TMEM74: variants seen among roughly 807,000 people sequenced by gnomAD.
The protein encoded by TMEM74 is transmembrane protein 74.
TMEM74 carries 13 observed loss-of-function variants against 18.1 expected under a neutral mutation model. The ratio of observed to expected loss-of-function variants is 0.72; its 90% CI spans 0.47 to 1.14. The LOEUF is 1.14. TMEM74 is among the 50% of genes most tolerant of loss of function. TMEM74 has a pLI of 0.00. For synonymous variants in TMEM74, 159 were observed against 146.6 expected (o/e 1.08, Z -0.61); for missense variants, 372 against 375.9 (o/e 0.99, Z 0.09).
intron 2 of TMEM74, among the ~76,000 whole-genome samples, chr8:108,624,609 T>G (rs1243941058): frequency 2.6e-5 from 4 of 152,086 alleles, no homozygotes; most frequent in African/African-American, 9.7e-5. Context: ...TCAGCTAAAT[T>G]TTAAACATTT....
At chr8:108,753,417 C>A (rs1309513238) in intron 1 of TMEM74, among the ~76,000 whole-genome samples, 3 of 151,916 alleles carry the variant, frequency 2.0e-5, no homozygotes, top group Non-Finnish European at 4.4e-5. Context: ...TGAGCATTTG[C>A]CATAAAAATA....
Position 108,784,060 on chromosome 8 carries a change from G to A in TMEM74, c.*121C>T. ...TAGAGAACAAAAACACTTACTGGCTGTTGGTTTGTGAAATAAACTTTTCTT... is the reference window on the plus strand; with the variant it reads ...TAGAGAACAAAAACACTTACTGGCTATTGGTTTGTGAAATAAACTTTTCTT... On this transcript the variant is annotated 3_prime_UTR_variant, in exon 2 of 2. Transcript: ENST00000297459. 1.2e-6 allele frequency: 1 copy of A among 843,794 alleles called. No homozygotes were observed. The highest frequency in any genetic ancestry group is 2.0e-5 in the South Asian group (1 of 50,076). The allele number at this position is 843,794 out of a possible 1,614,324, so 52.3% of individuals were successfully genotyped here. A position where few individuals can be genotyped will look rare whatever the true frequency, so the allele number is the denominator to read the frequency against.
At chr8:108,736,479 A>AGTCTACATGCC (rs1813750854) in intron 1 of TMEM74, among the ~76,000 whole-genome samples, 1 of 152,110 alleles carries the variant, frequency 6.6e-6, no homozygotes, top group Non-Finnish European at 1.5e-5. Context: ...CCACTCTTAG[A>AGTCTACATGCC]ACAGTATTTC....
At chr8:108,675,216 A>G (rs998401952) in intron 1 of TMEM74, among the ~76,000 whole-genome samples, 1 of 152,172 alleles carries the variant, frequency 6.6e-6, no homozygotes, top group African/African-American at 2.4e-5. Flanking sequence ...TTATGGTGTC[A>G]TCTCCCCACT....
chr8:108,770,083 T>A (rs527433628), intron 1 of TMEM74, among the ~76,000 whole-genome samples: 1 of 152,290 alleles, frequency 6.6e-6, no homozygotes, highest in East Asian at 1.9e-4. Context: ...CCTTGTTTCA[T>A]TGGACTTTCT....
intron 1 of TMEM74, among the ~76,000 whole-genome samples, chr8:108,658,838 C>A (rs2130579055): frequency 6.6e-6 from 1 of 152,076 alleles, no homozygotes; most frequent in East Asian, 1.9e-4. Flanking sequence ...TAACAGTCTT[C>A]AAGAGAATAA....
At chr8:108,710,912 CA>C (rs1486860102) in intron 1 of TMEM74, among the ~76,000 whole-genome samples, 2 of 152,160 alleles carry the variant, frequency 1.3e-5, no homozygotes, top group African/African-American at 2.4e-5. Context: ...TGAGCCTTCC[CA>C]TGTTATGGCT....
At chr8:108,692,712 C>A (rs1235825225) in intron 1 of TMEM74, among the ~76,000 whole-genome samples, 2 of 152,136 alleles carry the variant, frequency 1.3e-5, no homozygotes, top group Non-Finnish European at 2.9e-5. Flanking sequence ...AACCAATCAA[C>A]AAAAACAAAC....
At chr8:108,651,348 T>G (rs1450502673) in intron 2 of TMEM74, among the ~76,000 whole-genome samples, 1 of 152,178 alleles carries the variant, frequency 6.6e-6, no homozygotes, top group Non-Finnish European at 1.5e-5. Flanking sequence ...TCATCAGTTA[T>G]TCTCAGAATT....
chr8:108,632,886 G>A (rs1320024375), intron 2 of TMEM74, among the ~76,000 whole-genome samples: 2 of 152,000 alleles, frequency 1.3e-5, no homozygotes, highest in African/African-American at 4.8e-5. Flanking sequence ...TGAACATTAA[G>A]TAGAACATGT....
At chr8:108,652,774 A>T (rs1401256482) in intron 2 of TMEM74, 1 of 530,578 alleles carries the variant, frequency 1.9e-6, no homozygotes, top group Non-Finnish European at 3.6e-6. Flanking sequence ...CTGTGTATCA[A>T]TTTGAGTATG....
intron 1 of TMEM74, among the ~76,000 whole-genome samples, chr8:108,752,663 A>G (rs879062689): frequency 6.6e-6 from 1 of 152,082 alleles, no homozygotes; most frequent in Admixed American, 6.6e-5. Context: ...CTGGATTCTT[A>G]TATAACAATT....
chr8:108,624,030 A>G lies in TMEM74; in HGVS notation n.265-15204T>C, dbSNP rs145327819. Among the ~76,000 whole-genome samples, 474 of 152,206 alleles carry G rather than the reference A, an allele frequency of 3.1e-3. 3 individuals carry two copies. Among genetic ancestry groups the G allele is most frequent in the African/African-American group, 0.011 (452 of 41,566 alleles). On this transcript the variant is annotated intron_variant and non_coding_transcript_variant, in intron 2 of 3. Transcript: ENST00000518838. ...AGTTAATTCTTCCAGCCATAGTCAGATTTCCCAGTGCCAGGATATGCATAG... is the reference window on the plus strand; with the variant it reads ...AGTTAATTCTTCCAGCCATAGTCAGGTTTCCCAGTGCCAGGATATGCATAG...
intron 1 of TMEM74, among the ~76,000 whole-genome samples, chr8:108,728,741 G>T (rs1045451614): frequency 6.6e-6 from 1 of 152,120 alleles, no homozygotes; most frequent in Non-Finnish European, 1.5e-5. Context: ...TCCACCTAAA[G>T]TCATCAGTGT....
At chr8:108,700,317 T>A (rs1813322993) in intron 1 of TMEM74, among the ~76,000 whole-genome samples, 1 of 152,276 alleles carries the variant, frequency 6.6e-6, no homozygotes, top group Non-Finnish European at 1.5e-5. Context: ...GGAAAGCTAT[T>A]CTACACTTAC....
At chr8:108,691,734 G>C (rs995022661) in intron 1 of TMEM74, among the ~76,000 whole-genome samples, 1 of 121,952 alleles carries the variant, frequency 8.2e-6, no homozygotes, top group African/African-American at 3.2e-5. Flanking sequence ...AGGAAATATA[G>C]ACAGGACATA....
intron 1 of TMEM74, among the ~76,000 whole-genome samples, chr8:108,692,041 A>C (rs1813237700): frequency 6.6e-6 from 1 of 152,180 alleles, no homozygotes; most frequent in Non-Finnish European, 1.5e-5. Flanking sequence ...TTCTTACAAG[A>C]GACCTTCCAT....
intron 1 of TMEM74, among the ~76,000 whole-genome samples, chr8:108,718,616 A>T (rs1298702290): frequency 6.6e-6 from 1 of 152,166 alleles, no homozygotes; most frequent in Admixed American, 6.5e-5. Context: ...ACTAACAGAG[A>T]GAGAGAAATG....
At chr8:108,765,663 C>T (rs1434306637) in intron 1 of TMEM74, among the ~76,000 whole-genome samples, 1 of 152,034 alleles carries the variant, frequency 6.6e-6, no homozygotes, top group Non-Finnish European at 1.5e-5. Context: ...CCCTCCCAGC[C>T]TCCCAAAGTG....
Sources: allele counts gnomAD v4.1 joint callset (sites outside exome capture counted in the v4.1 genomes callset), GRCh38; gene constraint gnomAD v4.1.1; transcripts MANE v1.5; gene names NCBI Gene and HGNC (gene_info 2026-07-23, HGNC 2026-07-21).